DNAH7: variants seen among roughly 807,000 people sequenced by gnomAD.
DNAH7 encodes the protein axonemal beta dynein heavy chain 7.
DNAH7 carries 397 observed loss-of-function variants against 444.6 expected under a neutral mutation model. The ratio of observed to expected loss-of-function variants is 0.89; its 90% CI spans 0.82 to 0.97. The LOEUF (loss-of-function observed/expected upper bound fraction) is 0.97. Ranked by LOEUF, DNAH7 falls within the 50% of genes least tolerant of loss-of-function variation. The pLI is 0.00. For synonymous variants in DNAH7, 1,636 were observed against 1,624.4 expected (o/e 1.01, Z -0.17); for missense variants, 4,902 against 4,800.8 (o/e 1.02, Z -0.62).
At chr2:195,905,923 A>G (rs892394638) in intron 27 of DNAH7, among the ~76,000 whole-genome samples, 1 of 152,188 alleles carries the variant, frequency 6.6e-6, no homozygotes, top group African/African-American at 2.4e-5. Context: ...ATTTCAAAAT[A>G]GAGAAACGCC....
chr2:195,834,945 C>T (rs1425040787), intron 47 of DNAH7, among the ~76,000 whole-genome samples: 1 of 152,124 alleles, frequency 6.6e-6, no homozygotes, highest in Non-Finnish European at 1.5e-5. Context: ...ATTGTTGACC[C>T]AATCTTTGTT....
chr2:195,988,462 T>G (rs1251760101), intron 12 of DNAH7, among the ~76,000 whole-genome samples: 1 of 152,108 alleles, frequency 6.6e-6, no homozygotes, highest in Non-Finnish European at 1.5e-5. Context: ...TGTTTCGTTT[T>G]TCTGTATGGA....
At chr2:195,780,706 G>C (rs1047902180) in intron 58 of DNAH7, among the ~76,000 whole-genome samples, 2 of 151,970 alleles carry the variant, frequency 1.3e-5, no homozygotes, top group Non-Finnish European at 2.9e-5. Flanking sequence ...AGCCGAGATC[G>C]TGCCACTGCA....
intron 47 of DNAH7, among the ~76,000 whole-genome samples, chr2:195,843,873 C>G (rs754284474): frequency 4.6e-5 from 7 of 151,884 alleles, no homozygotes; most frequent in African/African-American, 1.2e-4. Context: ...GAGGCGGGCA[C>G]ATCACAAGGT....
At chr2:195,741,011 T>C in intron 63 of DNAH7, 142 bp from the exon 64 acceptor site, 1 of 357,320 alleles carries the variant, frequency 2.8e-6, no homozygotes, top group South Asian at 1.0e-4. Context: ...GAAAGCAATC[T>C]CCTGAGTGTT....
intron 54 of DNAH7, among the ~76,000 whole-genome samples, 154 bp from the exon 55 acceptor site, chr2:195,799,626 A>G (rs1696352407): frequency 1.3e-5 from 2 of 152,208 alleles, no homozygotes; most frequent in Admixed American, 6.5e-5. Flanking sequence ...CAATGTTTAT[A>G]TAAATGCCTT....
At chr2:195,899,170 T>C (rs1686537224) in intron 28 of DNAH7, among the ~76,000 whole-genome samples, 1 of 152,240 alleles carries the variant, frequency 6.6e-6, no homozygotes, top group African/African-American at 2.4e-5. Flanking sequence ...TGCACATCAA[T>C]TATGCAGTGT....
At chr2:195,796,781 A>T (rs922051669) in intron 55 of DNAH7, 44 bp from the exon 56 acceptor site, 8 of 1,562,874 alleles carry the variant, frequency 5.1e-6, no homozygotes, top group Non-Finnish European at 6.9e-6. Flanking sequence ...ATCACATTTT[A>T]AGAAACATCA....
chr2:195,834,157 GCCC>G (rs1698210687), intron 48 of DNAH7, 46 bp downstream of exon 48: 1 of 1,543,006 alleles, frequency 6.5e-7, no homozygotes, highest in Non-Finnish European at 8.8e-7. Flanking sequence ...GGTTAATTGT[GCCC>G]TCTCCAGGCA....
chr2:195,907,534 C>A (rs1338432646), intron 25 of DNAH7, among the ~76,000 whole-genome samples: 1 of 152,134 alleles, frequency 6.6e-6, no homozygotes, highest in Non-Finnish European at 1.5e-5. Context: ...GTAGTTTCAT[C>A]TGAATTCAGA....
At chr2:196,032,392 G>A (rs1429559249) in intron 5 of DNAH7, among the ~76,000 whole-genome samples, 1 of 152,190 alleles carries the variant, frequency 6.6e-6, no homozygotes, top group Non-Finnish European at 1.5e-5. Flanking sequence ...ACTCATACAG[G>A]AAGGAAAACA....
chr2:195,858,470 T>C lies in DNAH7; in HGVS notation c.8067+4A>G. On this transcript the variant is annotated splice_donor_region_variant and intron_variant, in intron 43 of 64. Transcript: ENST00000312428. ...TCCTAGAAAGTGTATGGCGAAGCTC[T>C]TACCTGTGCAGTAAGAGTATCAAGG... 1 of 1,586,710 alleles carries C rather than the reference T, an allele frequency of 6.3e-7. No individual in the cohort carries two copies.
intron 21 of DNAH7, among the ~76,000 whole-genome samples, chr2:195,933,429 G>T (rs899457714): frequency 6.6e-6 from 1 of 152,134 alleles, no homozygotes; most frequent in African/African-American, 2.4e-5. Flanking sequence ...AAATCATGCT[G>T]CTATAAAGAC....
intron 3 of DNAH7, among the ~76,000 whole-genome samples, chr2:196,050,259 A>G (rs903813321): frequency 3.9e-5 from 6 of 152,322 alleles, no homozygotes; most frequent in Admixed American, 3.3e-4. Flanking sequence ...CAAATATTGT[A>G]TGATTCCACC....
At chr2:195,889,295 C>T (rs1433186188) in intron 31 of DNAH7, among the ~76,000 whole-genome samples, 1 of 151,046 alleles carries the variant, frequency 6.6e-6, no homozygotes, top group Admixed American at 6.6e-5. Context: ...TCCTTCCATC[C>T]ATCCTTCCTT....
chr2:195,844,620 G>T (rs574595869), intron 47 of DNAH7, among the ~76,000 whole-genome samples: 7 of 152,018 alleles, frequency 4.6e-5, no homozygotes, highest in African/African-American at 1.5e-4. Flanking sequence ...GGACTAAGAC[G>T]GAATTTGGAA....
At chr2:196,007,124 GAAC>G (rs1358605304) in intron 10 of DNAH7, among the ~76,000 whole-genome samples, 1 of 152,046 alleles carries the variant, frequency 6.6e-6, no homozygotes, top group Non-Finnish European at 1.5e-5. Flanking sequence ...AAAGGACTCA[GAAC>G]AACAACAATT....
intron 12 of DNAH7, among the ~76,000 whole-genome samples, chr2:195,990,898 CAT>C (rs1357130809): frequency 6.3e-4 from 81 of 128,630 alleles, no homozygotes; most frequent in Middle Eastern, 3.9e-3. Context: ...TACTTATATA[CAT>C]ATATATACTT....
chr2:195,956,230 C>T (rs1411475871), intron 19 of DNAH7, among the ~76,000 whole-genome samples: 1 of 152,010 alleles, frequency 6.6e-6, no homozygotes, highest in Admixed American at 6.6e-5. Flanking sequence ...AATACTTATC[C>T]TACCTTATAG....
Sources: allele counts gnomAD v4.1 joint callset (sites outside exome capture counted in the v4.1 genomes callset), GRCh38; gene constraint gnomAD v4.1.1; transcripts MANE v1.5; gene names NCBI Gene and HGNC (gene_info 2026-07-23, HGNC 2026-07-21).